BTBD7: variants seen among roughly 807,000 people sequenced by gnomAD.
BTBD7 encodes the protein BTB domain containing 7, also known as BTB/POZ domain-containing protein 7.
Under a neutral mutation model 99.9 loss-of-function variants are expected in BTBD7, and 38 were observed. That is an observed-to-expected ratio of 0.38 (90% CI 0.29 to 0.50). The LOEUF (loss-of-function observed/expected upper bound fraction) is 0.50. BTBD7 is among the 20% of genes least tolerant of loss of function. BTBD7 has a pLI of 0.93. For missense variants in BTBD7, 1,170 were observed against 1,394.6 expected (o/e 0.84, Z 2.57); for synonymous variants, 520 against 511.4 (o/e 1.02, Z -0.23).
chr14:93,330,732 T>C (rs1301328007), intron 1 of BTBD7, among the ~76,000 whole-genome samples: 2 of 152,356 alleles, frequency 1.3e-5, no homozygotes, highest in South Asian at 4.1e-4. Context: ...ATTTTGGATG[T>C]GTGAGCTTCC....
intron 2 of BTBD7, 54 bp downstream of exon 2, chr14:93,295,916 C>A: frequency 6.5e-7 from 1 of 1,548,486 alleles, no homozygotes; most frequent in Non-Finnish European, 8.9e-7. Flanking sequence ...CTACCGAAAA[C>A]ACAATTCTAT....
Position 93,300,752 on chromosome 14 carries a change from GTGTGTGTGTGTGTGTGTGTGTATATA to G in BTBD7, c.-106-4621_-106-4596del, listed in dbSNP as rs1566857081. On this transcript the variant is annotated intron_variant, in intron 1 of 10. Coordinates refer to ENST00000334746, the MANE Select transcript of BTBD7 (RefSeq NM_001002860.4). ...TGTGTGTGTGTGTGTGTGTGTGTGTGTGTGTGTGTGTGTGTGTGTGTATATATATATATATTTTTTTTTTGTAGAGA... is the reference window on the plus strand; with the variant it reads ...TGTGTGTGTGTGTGTGTGTGTGTGTGTATATATATTTTTTTTTTGTAGAGA... Among the ~76,000 whole-genome samples the G allele has an allele frequency of 2.3e-3, 167 of 74,144 alleles. 8 individuals are homozygous for G. Among genetic ancestry groups the G allele is most frequent in the African/African-American group, 3.2e-3 (37 of 11,730 alleles). The allele number at this position is 74,144 out of a possible 152,430, so 48.6% of individuals were successfully genotyped here.
chr14:93,295,005 T>C (rs1367733433), intron 2 of BTBD7, 68 bp from the exon 3 acceptor site: 1 of 1,418,880 alleles, frequency 7.0e-7, no homozygotes, highest in Non-Finnish European at 9.3e-7. Context: ...TTTAACATTT[T>C]TCATGTTGAA....
At chr14:93,248,165 A>AT (rs2052333724) in intron 9 of BTBD7, among the ~76,000 whole-genome samples, 2 of 152,206 alleles carry the variant, frequency 1.3e-5, no homozygotes, top group African/African-American at 2.4e-5. Flanking sequence ...CTGGATCTTC[A>AT]TAACAATTTA....
chr14:93,311,643 T>C (rs146007810), intron 1 of BTBD7, among the ~76,000 whole-genome samples: 99 of 152,300 alleles, frequency 6.5e-4, no homozygotes, highest in African/African-American at 2.3e-3. Flanking sequence ...CCCTCTATTC[T>C]CAATGCAGCC....
chr14:93,293,253 A>T (rs2052880063), intron 3 of BTBD7, among the ~76,000 whole-genome samples: 1 of 152,184 alleles, frequency 6.6e-6, no homozygotes, highest in Non-Finnish European at 1.5e-5. Context: ...TCCTAATTTT[A>T]AAAAAATTTT....
rs1566857146 is a variant in BTBD7, at chr14:93,300,762, GTGTGTGTGTGTATATATA to G, written c.-106-4623_-106-4606del. The stretch of plus-strand genomic sequence containing the variant: ...TGTGTGTGTGTGTGTGTGTGTGTGT[GTGTGTGTGTGTATATATA>G]TATATATTTTTTTTTTGTAGAGATA... On this transcript the variant is annotated intron_variant, in intron 1 of 10. Transcript: ENST00000334746. 2.1e-4 allele frequency among the ~76,000 whole-genome samples: 7 copies of G among 33,308 alleles called. 1 individual carries two copies. Among genetic ancestry groups the G allele is most frequent in the Non-Finnish European group, 5.1e-5 (1 of 19,672 alleles). 21.9% of individuals were successfully genotyped at this position (33,308 alleles called of 152,430 possible).
intron 1 of BTBD7, among the ~76,000 whole-genome samples, chr14:93,316,497 C>T (rs752991825): frequency 1.3e-5 from 2 of 152,180 alleles, no homozygotes; most frequent in Non-Finnish European, 2.9e-5. Context: ...GATCCTCCCA[C>T]TTTGGCCTCT....
chr14:93,280,661 C>T (rs1037087883), intron 3 of BTBD7, among the ~76,000 whole-genome samples: 10 of 151,954 alleles, frequency 6.6e-5, no homozygotes, highest in African/African-American at 2.4e-4. Flanking sequence ...CAAGTAATCC[C>T]CTTGTGGAGA....
chr14:93,242,945 G>C lies in BTBD7; in HGVS notation c.2727C>G (p.Pro909=), dbSNP rs1217140648. The C allele has an allele frequency of 3.7e-6, 6 of 1,614,052 alleles. No homozygotes were observed. Among genetic ancestry groups the C allele is most frequent in the Non-Finnish European group, 5.1e-6 (6 of 1,179,992 alleles). ...TCTGTGGAATACACGACAGATGCTG[G>C]GGAGGCCCTGGTCCTGCTTCAGAAA... ...QSVSEAGPGP[P]QHLSCIPQRH... Residue 909 remains proline, a synonymous_variant, in exon 11 of 11, where the codon CCC becomes CCG. Transcript: ENST00000334746.
rs140112779 is a variant in BTBD7 at position 93,292,760 on chromosome 14, G to A, written c.1162+1098C>T. Among the ~76,000 whole-genome samples the A allele has an allele frequency of 4.1e-4, 63 of 152,100 alleles. No homozygotes were observed. The East Asian group carries it at 0.012, about 29-fold the overall frequency. ...CAGCCCTGAACTCCTGACCTCAAGC[G>A]GTCTTCCTGCCTCAGCCTCCCAAGT... On this transcript the variant is annotated intron_variant, in intron 3 of 10. Transcript: ENST00000334746.
chr14:93,331,882 C>CCCA (rs1555394543), intron 1 of BTBD7, among the ~76,000 whole-genome samples: 1 of 146,190 alleles, frequency 6.8e-6, no homozygotes, highest in African/African-American at 2.7e-5. Context: ...CTCCGTCTCC[C>CCCA]CCCCCCCAAA....
At chr14:93,265,767 C>A (rs1555389269) in intron 3 of BTBD7, among the ~76,000 whole-genome samples, 1 of 152,136 alleles carries the variant, frequency 6.6e-6, no homozygotes, top group Non-Finnish European at 1.5e-5. Flanking sequence ...ACTAAAAATA[C>A]AAAAATCAGC....
chr14:93,290,433 C>CG (rs1268203341), intron 3 of BTBD7, among the ~76,000 whole-genome samples: 1 of 149,116 alleles, frequency 6.7e-6, no homozygotes, highest in Non-Finnish European at 1.5e-5. Context: ...AGGATGGTCT[C>CG]GATCTCCTGA....
intron 4 of BTBD7, 83 bp downstream of exon 4, chr14:93,263,702 C>T: frequency 1.5e-6 from 2 of 1,318,882 alleles, no homozygotes; most frequent in Non-Finnish European, 2.2e-6. Flanking sequence ...CTGCCCTACC[C>T]TAGATGGAAG....
intron 3 of BTBD7, chr14:93,288,337 T>G (rs1315019541): frequency 3.3e-5 from 20 of 605,662 alleles, no homozygotes; most frequent in Non-Finnish European, 5.5e-5. Context: ...ACTCATCTCT[T>G]TATTATATTA....
intron 3 of BTBD7, among the ~76,000 whole-genome samples, chr14:93,290,566 G>C (rs1187481425): frequency 6.8e-6 from 1 of 147,968 alleles, no homozygotes; most frequent in African/African-American, 2.5e-5. Flanking sequence ...CACCCGGGCT[G>C]GAGTGGAGTG....
chr14:93,304,989 T>TCAA (rs2053053968), intron 1 of BTBD7, among the ~76,000 whole-genome samples: 2 of 152,224 alleles, frequency 1.3e-5, no homozygotes, highest in African/African-American at 4.8e-5. Flanking sequence ...GCAGTCTTCA[T>TCAA]GAAGACAGTT....
intron 5 of BTBD7, among the ~76,000 whole-genome samples, chr14:93,259,318 A>G (rs1422855384): frequency 1.3e-5 from 2 of 152,200 alleles, no homozygotes; most frequent in Non-Finnish European, 2.9e-5. Context: ...ATGGCACACC[A>G]CAGCCTTCCT....
Sources: allele counts gnomAD v4.1 joint callset (sites outside exome capture counted in the v4.1 genomes callset), GRCh38; gene constraint gnomAD v4.1.1; transcripts MANE v1.5; gene names NCBI Gene and HGNC (gene_info 2026-07-23, HGNC 2026-07-21).